The following COL1A2 variants were observed in gnomAD, a reference collection of about 807,000 sequenced individuals.
COL1A2 encodes the protein collagen type I alpha 2 chain.
A neutral mutation model predicts 174.3 loss-of-function variants in COL1A2; 49 were observed. That is an observed-to-expected ratio of 0.28 (90% CI 0.22 to 0.36). COL1A2 has a LOEUF of 0.36. Among genes scored for constraint, COL1A2 ranks in the 10% least tolerant of loss-of-function variants. COL1A2 has a pLI of 1.00. For synonymous variants in COL1A2, 655 were observed against 606.6 expected, an observed-to-expected ratio of 1.08 and a Z score of -1.17; for missense variants, 1,438 against 1,822.7, an observed-to-expected ratio of 0.79 and a Z score of 3.84.
At chr7:94,427,435 A>G (rs1204827823) in intron 48 of COL1A2, 140 bp downstream of exon 48, 1 of 1,054,834 alleles carries the variant, frequency 9.5e-7, no homozygotes, top group African/African-American at 1.6e-5. Flanking sequence ...GAAATTGTCT[A>G]TATGCAATGG....
rs749567617 is a variant in COL1A2 at position 94,420,648 on chromosome 7, T to C, written c.2295T>C (p.Ala765=). ...PTGPVGAAGP[A]GPNGPPGPAG... is the part of the protein sequence containing the mutation. ...GCCCCGTTGGAGCTGCTGGCCCAGC[T>C]GTAAGTTGAATTCACTGGTGGTCCA... The change falls in exon 37 of 52, where the codon GCT becomes GCC. Residue 765 remains alanine, a splice_region_variant and synonymous_variant. Transcript: ENST00000297268. 2.5e-5 allele frequency: 40 copies of C among 1,588,694 alleles called. No homozygotes were observed. The East Asian group carries it at 9.0e-4, about 36-fold the overall frequency.
intron 4 of COL1A2, 144 bp from the exon 5 acceptor site, chr7:94,400,052 A>G: frequency 1.2e-6 from 1 of 818,268 alleles, no homozygotes; most frequent in Non-Finnish European, 2.1e-6. Context: ...TCATAAGTGA[A>G]TTTCAATCAA....
At chr7:94,404,247 T>G (rs1791748680) in intron 6 of COL1A2, among the ~76,000 whole-genome samples, 1 of 152,236 alleles carries the variant, frequency 6.6e-6, no homozygotes. Context: ...TATTCTGCAC[T>G]TCTGCAAAGA....
intron 38 of COL1A2, among the ~76,000 whole-genome samples, chr7:94,421,696 A>G (rs1190217563): frequency 6.6e-6 from 1 of 150,886 alleles, no homozygotes; most frequent in East Asian, 1.9e-4. Context: ...TGCAACTGGT[A>G]ATATGCTGGT....
chr7:94,425,481 A>G, intron 42 of COL1A2, 129 bp from the exon 43 acceptor site: 1 of 1,016,440 alleles, frequency 9.8e-7, no homozygotes, highest in South Asian at 1.3e-5. Flanking sequence ...TTTTATCCCT[A>G]GTTTTAACAG....
Position 94,415,209 on chromosome 7 carries a change from T to G in COL1A2, c.1720-17T>G. 6.2e-7 allele frequency: 1 copy of G among 1,611,726 alleles called. No individual in the cohort carries two copies. ...ATCACACACAGATTTCATGCTTTAT[T>G]CTCATGTTTTGTCTAGGGTCTCCAT... On this transcript the variant is annotated splice_polypyrimidine_tract_variant and intron_variant, in intron 29 of 51. Transcript: ENST00000297268.
intron 22 of COL1A2, 22 bp from the exon 23 acceptor site, chr7:94,411,031 CTGT>C: frequency 6.6e-7 from 1 of 1,509,502 alleles, no homozygotes; most frequent in Non-Finnish European, 9.1e-7. Flanking sequence ...CCTCCTCTAT[CTGT>C]TTTTTTTTTT....
In COL1A2 at chr7:94,427,581, T is replaced by C. The variant is rs1326929814; in HGVS notation, c.3268-46T>C. 2.5e-6 allele frequency: 4 copies of C among 1,610,556 alleles called. No homozygotes were observed. The Admixed American group carries it at 6.7e-5, about 27-fold the overall frequency. ...ATCTGCTGCCATGGATGTCTCTCAC[T>C]GTAACAAAATATAAAGCCTCTCCTA... On this transcript the variant is annotated intron_variant, in intron 48 of 51. Coordinates refer to ENST00000297268, the MANE Select transcript of COL1A2 (RefSeq NM_000089.4).
At chr7:94,430,225 C>T in intron 51 of COL1A2, 22 bp from the exon 52 acceptor site, 1 of 1,608,610 alleles carries the variant, frequency 6.2e-7, no homozygotes, top group Non-Finnish European at 8.5e-7. Flanking sequence ...CTTTGTGTAT[C>T]TATTTTCTTC....
chr7:94,397,035 T>C (rs1186979818), intron 1 of COL1A2, among the ~76,000 whole-genome samples: 1 of 152,140 alleles, frequency 6.6e-6, no homozygotes, highest in African/African-American at 2.4e-5. Context: ...TTTAATCCGG[T>C]TTTTCCATTT....
chr7:94,400,468 G>T (rs1031138429), intron 5 of COL1A2, among the ~76,000 whole-genome samples, 180 bp downstream of exon 5: 1 of 152,070 alleles, frequency 6.6e-6, no homozygotes, highest in Non-Finnish European at 1.5e-5. Context: ...GTGAGCCCTT[G>T]TCAATTACAG....
chr7:94,425,535 A>G (rs1051164880), intron 42 of COL1A2, 75 bp from the exon 43 acceptor site: 152 of 1,428,452 alleles, frequency 1.1e-4, no homozygotes, highest in Non-Finnish European at 1.3e-4. Context: ...TGATGAAGAC[A>G]GAGTAGCTAC....
In COL1A2 at chr7:94,418,816, C is replaced by T. The variant is rs116303816; in HGVS notation, c.2025+264C>T. ...AATGATACCAACTACAAACTATAGA[C>T]CAAAAGCTTTAGGTTTAATAGAATA... is the stretch of plus-strand genomic sequence containing the variant. On this transcript the variant is annotated intron_variant, in intron 33 of 51. Coordinates refer to ENST00000297268, the MANE Select transcript of COL1A2 (RefSeq NM_000089.4). Among the ~76,000 whole-genome samples the T allele has an allele frequency of 0.011, 1,697 of 151,650 alleles. 29 individuals carry two copies. The highest frequency in any genetic ancestry group is 0.038 in the African/African-American group (1,572 of 41,272).
intron 34 of COL1A2, among the ~76,000 whole-genome samples, chr7:94,419,797 T>C (rs1792115711): frequency 6.6e-6 from 1 of 152,226 alleles, no homozygotes; most frequent in Admixed American, 6.5e-5. Flanking sequence ...AGTCTCTCCA[T>C]GTTGCGCATT....
rs1791936672 is a variant in COL1A2, at chr7:94,411,936, T to C, written c.1351-132T>C. 6.8e-6 allele frequency: 5 copies of C among 732,508 alleles called. No homozygotes were observed. In the South Asian group the frequency reaches 7.7e-5, roughly 11 times the overall value. The allele number at this position is 732,508 out of a possible 1,614,324, so 45.4% of individuals were successfully genotyped here. On this transcript the variant is annotated intron_variant, in intron 23 of 51. Coordinates refer to ENST00000297268, the MANE Select transcript of COL1A2 (RefSeq NM_000089.4). ...CACACTTCCCAGCTAGTGGCTAATA[T>C]TCCTAATGATTTACCCTAGGCAACA... is the stretch of plus-strand genomic sequence containing the variant.
chr7:94,411,983 G>C, intron 23 of COL1A2, 85 bp from the exon 24 acceptor site: 1 of 1,117,956 alleles, frequency 8.9e-7, no homozygotes, highest in Non-Finnish European at 1.3e-6. Context: ...GGGGGAAAAG[G>C]TGCCTTTGTT....
chr7:94,408,401 G>A, intron 15 of COL1A2, 21 bp downstream of exon 15: 3 of 1,613,870 alleles, frequency 1.9e-6, no homozygotes, highest in East Asian at 2.2e-5. Context: ...ACACTGGGGA[G>A]TTTGAAAGGA....
intron 23 of COL1A2, 114 bp downstream of exon 23, chr7:94,411,268 C>T: frequency 2.3e-6 from 2 of 853,964 alleles, no homozygotes; most frequent in East Asian, 2.6e-5. Flanking sequence ...TGTTAGTAGT[C>T]TTGCTGACAG....
intron 30 of COL1A2, 102 bp downstream of exon 30, chr7:94,415,372 G>T: frequency 1.0e-6 from 1 of 983,212 alleles, no homozygotes; most frequent in Non-Finnish European, 1.7e-6. Context: ...ACAAGTCTCT[G>T]ATGCTCTTCT....
Sources: allele counts gnomAD v4.1 joint callset (sites outside exome capture counted in the v4.1 genomes callset), GRCh38; gene constraint gnomAD v4.1.1; transcripts MANE v1.5; gene names NCBI Gene and HGNC (gene_info 2026-07-23, HGNC 2026-07-21).